Variants in NRXN1 observed in about 807,000 individuals in gnomAD.
The protein encoded by NRXN1 is neurexin 1.
In NRXN1, 39 loss-of-function variants were observed where a neutral mutation model predicts 150.9. That is an observed-to-expected ratio of 0.26 (90% CI 0.20 to 0.34). NRXN1 has a LOEUF of 0.34. NRXN1 is among the 10% of genes least tolerant of loss of function. NRXN1 has a pLI of 1.00. For missense variants in NRXN1, 1,815 were observed against 1,949.9 expected (o/e 0.93, Z 1.30); for synonymous variants, 924 against 757.0 (o/e 1.22, Z -3.62).
chr2:50,733,003 C>A (rs1369463194), intron 5 of NRXN1, among the ~76,000 whole-genome samples: 3 of 152,186 alleles, frequency 2.0e-5, no homozygotes, highest in African/African-American at 7.2e-5. Flanking sequence ...AAACCAGACA[C>A]TATTCCTAAC....
At chr2:49,997,821 C>T (rs1683240285) in intron 21 of NRXN1, among the ~76,000 whole-genome samples, 1 of 152,150 alleles carries the variant, frequency 6.6e-6, no homozygotes, top group Non-Finnish European at 1.5e-5. Flanking sequence ...AGGTCACTCT[C>T]TGCCTGGGAA....
At position 50,334,282 on chromosome 2, in the gene NRXN1, T is replaced by G. The variant is rs535311512; in HGVS notation, c.3365-97312A>C. The stretch of plus-strand genomic sequence containing the variant: ...ACACACATACATACACACACGTACA[T>G]ACAAAGTCATTCATTCAATAGTAAG... On this transcript the variant is annotated intron_variant, in intron 17 of 22. Coordinates refer to ENST00000401669, the MANE Select transcript of NRXN1 (RefSeq NM_001330078.2). Among the ~76,000 whole-genome samples, 369 of 150,678 alleles carry G rather than the reference T, an allele frequency of 2.4e-3. 2 individuals carry two copies. Among genetic ancestry groups the G allele is most frequent in the African/African-American group, 8.5e-3 (344 of 40,356 alleles).
At chr2:50,402,335 A>T (rs1298487881) in intron 17 of NRXN1, among the ~76,000 whole-genome samples, 1 of 151,842 alleles carries the variant, frequency 6.6e-6, no homozygotes, top group African/African-American at 2.4e-5. Context: ...ATCAGCTATA[A>T]TTTTTTCCAC....
At chr2:50,514,507 G>A (rs1295181476) in intron 12 of NRXN1, among the ~76,000 whole-genome samples, 8 of 152,096 alleles carry the variant, frequency 5.3e-5, no homozygotes, top group African/African-American at 1.2e-4. Flanking sequence ...GGGAATATCC[G>A]AGTTACAGTC....
At chr2:50,705,829 G>T (rs1333458777) in intron 5 of NRXN1, among the ~76,000 whole-genome samples, 1 of 151,764 alleles carries the variant, frequency 6.6e-6, no homozygotes, top group Non-Finnish European at 1.5e-5. Context: ...ATTGGCCTAT[G>T]GCCCATAGTG....
At chr2:50,028,729 T>C (rs1688750186) in intron 21 of NRXN1, among the ~76,000 whole-genome samples, 1 of 152,250 alleles carries the variant, frequency 6.6e-6, no homozygotes, top group South Asian at 2.1e-4. Flanking sequence ...TCTCTAGAAA[T>C]ATCTGTCCTT....
chr2:50,562,939 G>C (rs531321338), intron 8 of NRXN1, among the ~76,000 whole-genome samples: 1 of 151,968 alleles, frequency 6.6e-6, no homozygotes, highest in South Asian at 2.1e-4. Flanking sequence ...ACATTAATTA[G>C]CTTACAATGT....
At chr2:50,152,792 CAGTGGTT>C (rs2058771025) in intron 18 of NRXN1, among the ~76,000 whole-genome samples, 2 of 151,692 alleles carry the variant, frequency 1.3e-5, no homozygotes, top group African/African-American at 4.8e-5. Context: ...TAATATGACT[CAGTGGTT>C]TCCCTTTGAA....
At chr2:50,108,734 T>C (rs1364226818) in intron 18 of NRXN1, among the ~76,000 whole-genome samples, 1 of 152,138 alleles carries the variant, frequency 6.6e-6, no homozygotes, top group African/African-American at 2.4e-5. Context: ...GCCAACATCA[T>C]GCTTAACACT....
At chr2:50,651,170 A>AT (rs1685559920) in intron 5 of NRXN1, among the ~76,000 whole-genome samples, 1 of 151,926 alleles carries the variant, frequency 6.6e-6, no homozygotes, top group African/African-American at 2.4e-5. Context: ...GGCTTATTTT[A>AT]TTTTTTCTGT....
chr2:50,129,194 T>C (rs1037876737), intron 18 of NRXN1, among the ~76,000 whole-genome samples: 3 of 124,890 alleles, frequency 2.4e-5, no homozygotes, highest in African/African-American at 7.8e-5. Context: ...TTTATGTAAC[T>C]ACTAAAGCAT....
chr2:50,399,789 T>TAAA (rs562980355), intron 17 of NRXN1, among the ~76,000 whole-genome samples: 3 of 60,518 alleles, frequency 5.0e-5, no homozygotes, highest in Non-Finnish European at 6.1e-5. Flanking sequence ...AGAGAACTGG[T>TAAA]AAAAAAAAAA....
intron 5 of NRXN1, among the ~76,000 whole-genome samples, chr2:50,691,933 T>C (rs1043076695): frequency 6.6e-6 from 1 of 152,192 alleles, no homozygotes; most frequent in East Asian, 1.9e-4. Context: ...CTTATACGTA[T>C]ATACATTAAA....
At chr2:50,474,344 A>G (rs1212178221) in intron 15 of NRXN1, among the ~76,000 whole-genome samples, 1 of 151,864 alleles carries the variant, frequency 6.6e-6, no homozygotes, top group Non-Finnish European at 1.5e-5. Flanking sequence ...ACATAAGAAA[A>G]GTAAAGCTTT....
intron 2 of NRXN1, among the ~76,000 whole-genome samples, chr2:50,969,183 G>A (rs914946809): frequency 1.3e-5 from 2 of 151,998 alleles, no homozygotes; most frequent in African/African-American, 4.8e-5. Context: ...AGTCAGACAT[G>A]CTCTTTATAC....
intron 5 of NRXN1, among the ~76,000 whole-genome samples, chr2:50,901,542 A>C (rs1682954522): frequency 6.6e-6 from 1 of 152,212 alleles, no homozygotes; most frequent in Non-Finnish European, 1.5e-5. Flanking sequence ...GTCCCCGCAA[A>C]AAAAGAAAGA....
intron 17 of NRXN1, among the ~76,000 whole-genome samples, chr2:50,458,070 A>G (rs751101917): frequency 6.6e-6 from 1 of 152,192 alleles, no homozygotes; most frequent in Non-Finnish European, 1.5e-5. Flanking sequence ...TAACCAAGAT[A>G]AGAAATCAAC....
intron 17 of NRXN1, among the ~76,000 whole-genome samples, chr2:50,314,125 A>G (rs1162430537): frequency 6.6e-6 from 1 of 152,106 alleles, no homozygotes; most frequent in Admixed American, 6.6e-5. Context: ...GTTGTAAGGC[A>G]GTCTTAATCT....
chr2:50,869,046 G>A (rs1006070200), intron 5 of NRXN1, among the ~76,000 whole-genome samples: 2 of 151,710 alleles, frequency 1.3e-5, no homozygotes, highest in African/African-American at 4.8e-5. Context: ...CATGTTCATA[G>A]TCCAATCCTC....
Sources: gnomAD v4.1 joint callset for allele counts (sites outside exome capture counted in the v4.1 genomes callset) on GRCh38, gnomAD v4.1.1 for gene constraint, MANE v1.5 for transcripts, NCBI Gene and HGNC (gene_info 2026-07-23, HGNC 2026-07-21) for gene names.